NXPE2: variants seen among roughly 807,000 people sequenced by gnomAD.
NXPE2 encodes neurexophilin and PC-esterase domain family member 2.
NXPE2 carries 34 observed loss-of-function variants against 34.4 expected under a neutral mutation model. That is an observed-to-expected ratio of 0.99 (90% CI 0.75 to 1.31). The LOEUF (loss-of-function observed/expected upper bound fraction) is 1.31, where lower values mean the gene tolerates loss of function less well. Among genes scored for constraint, NXPE2 ranks in the 40% most tolerant of loss-of-function variants. NXPE2 has a pLI of 0.00. For missense variants in NXPE2, 649 were observed against 672.5 expected, an observed-to-expected ratio of 0.97 and a Z score of 0.39; for synonymous variants, 235 against 231.3, an observed-to-expected ratio of 1.02 and a Z score of -0.15.
the NXPE2 span, among the ~76,000 whole-genome samples, chr11:114,776,107 T>C: frequency 6.6e-6 from 1 of 152,174 alleles, no homozygotes; most frequent in African/African-American, 2.4e-5. Flanking sequence ...GGAGACAGCT[T>C]GGGAGGGCCA....
the NXPE2 span, among the ~76,000 whole-genome samples, chr11:114,499,377 GT>G: frequency 6.6e-6 from 1 of 151,356 alleles, no homozygotes; most frequent in Non-Finnish European, 1.5e-5. Flanking sequence ...GATCTCTTAG[GT>G]TTTTCTCATC....
the NXPE2 span, among the ~76,000 whole-genome samples, chr11:114,534,388 C>G: frequency 5.3e-5 from 8 of 152,208 alleles, no homozygotes; most frequent in Admixed American, 4.6e-4. Flanking sequence ...CTCTTCTCCT[C>G]CAAAGGAACG....
chr11:114,808,210 T>C, the NXPE2 span, among the ~76,000 whole-genome samples: 11 of 152,172 alleles, frequency 7.2e-5, no homozygotes, highest in African/African-American at 2.7e-4. Flanking sequence ...AGAGGGAAAT[T>C]TGTAGCACTA....
the NXPE2 span, among the ~76,000 whole-genome samples, chr11:114,602,039 AATATATATTATATT>A: frequency 2.0e-4 from 19 of 93,414 alleles, no homozygotes; most frequent in African/African-American, 7.6e-4. Flanking sequence ...TATACTATAT[AATATATATTATATT>A]ATATATATTA....
chr11:114,473,308 G>A, the NXPE2 span, among the ~76,000 whole-genome samples: 1 of 152,150 alleles, frequency 6.6e-6, no homozygotes, highest in Non-Finnish European at 1.5e-5. Flanking sequence ...ACATGAAAGA[G>A]TGTTTTTGCC....
At chr11:114,627,359 A>G in the NXPE2 span, among the ~76,000 whole-genome samples, 1 of 152,186 alleles carries the variant, frequency 6.6e-6, no homozygotes, top group East Asian at 1.9e-4. Context: ...AGTGGGGACC[A>G]ATATTCAACA....
At chr11:114,612,675 T>C in the NXPE2 span, among the ~76,000 whole-genome samples, 3 of 151,372 alleles carry the variant, frequency 2.0e-5, no homozygotes, top group African/African-American at 7.3e-5. Context: ...ATAATACGTG[T>C]TGTCTCATGG....
At chr11:114,598,386 G>A in the NXPE2 span, among the ~76,000 whole-genome samples, 2 of 141,126 alleles carry the variant, frequency 1.4e-5, no homozygotes, top group East Asian at 2.1e-4. Flanking sequence ...TTTTCTCACA[G>A]CTCCACTAGG....
At chr11:114,779,063 G>GTATT in the NXPE2 span, among the ~76,000 whole-genome samples, 3 of 152,114 alleles carry the variant, frequency 2.0e-5, no homozygotes, top group East Asian at 5.8e-4. Flanking sequence ...TTTCTTTCTT[G>GTATT]TATTGAAGGA....
At chr11:114,804,972 G>A in the NXPE2 span, among the ~76,000 whole-genome samples, 1 of 151,412 alleles carries the variant, frequency 6.6e-6, no homozygotes, top group African/African-American at 2.4e-5. Flanking sequence ...AACTCCCAGG[G>A]GATGTTTTCT....
the NXPE2 span, among the ~76,000 whole-genome samples, chr11:114,606,164 T>A: frequency 1.3e-5 from 2 of 152,004 alleles, no homozygotes; most frequent in East Asian, 3.9e-4. Context: ...TGGTGGATAA[T>A]AAGTATTGCC....
At position 114,698,729 on chromosome 11, in the gene NXPE2, A is replaced by G; in HGVS notation, c.817A>G (p.Thr273Ala). The G allele has an allele frequency of 6.2e-7, 1 of 1,607,914 alleles. No homozygotes were observed. Among genetic ancestry groups the G allele is most frequent in the Non-Finnish European group, 8.5e-7 (1 of 1,177,096 alleles). ...GGCCTTGACCCACATGACCACTAGGACAAGAAATATTTCCTATCTTAGCAA... is the reference window on the plus strand; with the variant it reads ...GGCCTTGACCCACATGACCACTAGGGCAAGAAATATTTCCTATCTTAGCAA... ...CEALTHMTTR[T>A]RNISYLSKEE... The change falls in exon 3 of 6, where the codon ACA becomes GCA. Residue 273 changes from threonine (T) to alanine (A), a missense_variant. Physicochemically the swap from Thr to Ala is moderately conservative, Grantham distance 58. Transcript: ENST00000389586.
rs889719221 is a variant in NXPE2 at position 114,691,659 on chromosome 11, G to A, written c.133-6386G>A. Among the ~76,000 whole-genome samples the A allele has an allele frequency of 3.3e-5, 5 of 152,324 alleles. 1 individual carries two copies. Among genetic ancestry groups the A allele is most frequent in the Admixed American group, 6.5e-5 (1 of 15,298 alleles). ...CTGCAACACTACACTGAGAAGAAAG[G>A]TGGGGGTGAGAGATGACCTCCTCTC... is the stretch of plus-strand genomic sequence containing the variant. On this transcript the variant is annotated intron_variant, in intron 2 of 5. Transcript: ENST00000389586.
chr11:114,620,744 TATA>T, the NXPE2 span, among the ~76,000 whole-genome samples: 1 of 151,430 alleles, frequency 6.6e-6, no homozygotes, highest in South Asian at 2.1e-4. Flanking sequence ...TTACCCGATG[TATA>T]ATAAGTATTG....
chr11:114,470,348 C>A, the NXPE2 span, among the ~76,000 whole-genome samples: 2 of 152,104 alleles, frequency 1.3e-5, no homozygotes, highest in African/African-American at 2.4e-5. Context: ...CATATCCTTG[C>A]CAACATTTAA....
chr11:114,582,213 G>T, the NXPE2 span: 28 of 1,458,010 alleles, frequency 1.9e-5, no homozygotes, highest in East Asian at 5.7e-4. Flanking sequence ...ACACTCACAA[G>T]ACTTTTCTTT....
At chr11:114,530,483 C>T in the NXPE2 span, 1 of 1,614,098 alleles carries the variant, frequency 6.2e-7, no homozygotes, top group African/African-American at 1.3e-5. Flanking sequence ...ACAGGGAGAC[C>T]TGGCCCTCCC....
chr11:114,607,639 C>T, the NXPE2 span, among the ~76,000 whole-genome samples: 8 of 151,592 alleles, frequency 5.3e-5, no homozygotes, highest in South Asian at 2.1e-4. Flanking sequence ...AGTGTTGCCT[C>T]GCGGTTAACC....
At chr11:114,731,887 GGTA>G in the NXPE2 span, among the ~76,000 whole-genome samples, 3 of 152,078 alleles carry the variant, frequency 2.0e-5, no homozygotes. Context: ...GGGGAAACTG[GGTA>G]AAGAACACAC....
Sources: gnomAD v4.1 joint callset for allele counts (sites outside exome capture counted in the v4.1 genomes callset) on GRCh38, gnomAD v4.1.1 for gene constraint, MANE v1.5 for transcripts, NCBI Gene and HGNC (gene_info 2026-07-23, HGNC 2026-07-21) for gene names.